The following DOCK3 variants were observed in gnomAD, a reference collection of about 807,000 sequenced individuals.
DOCK3 encodes the protein dedicator of cytokinesis 3, also known as dedicator of cytokinesis protein 3.
In DOCK3, 60 loss-of-function variants were observed where a neutral mutation model predicts 265.6. That is an observed-to-expected ratio of 0.23 (90% CI 0.18 to 0.28). DOCK3 has a LOEUF of 0.28. Among genes scored for constraint, DOCK3 ranks in the 10% least tolerant of loss-of-function variants. The pLI is 1.00. For synonymous variants in DOCK3, 881 were observed against 938.0 expected (o/e 0.94, Z 1.11); for missense variants, 1,981 against 2,594.3 (o/e 0.76, Z 5.14).
At chr3:51,074,696 A>T (rs2081992640) in intron 6 of DOCK3, among the ~76,000 whole-genome samples, 1 of 152,028 alleles carries the variant, frequency 6.6e-6, no homozygotes, top group Non-Finnish European at 1.5e-5. Flanking sequence ...GAGGGGAGGG[A>T]GAGAATTAGG....
At chr3:50,922,477 G>T (rs932040208) in intron 4 of DOCK3, among the ~76,000 whole-genome samples, 3 of 152,236 alleles carry the variant, frequency 2.0e-5, no homozygotes, top group Non-Finnish European at 4.4e-5. Flanking sequence ...GCCAGGAAAG[G>T]GAATTCCCCG....
chr3:50,762,120 C>T (rs1019305847), intron 1 of DOCK3, among the ~76,000 whole-genome samples: 5 of 151,316 alleles, frequency 3.3e-5, no homozygotes, highest in Non-Finnish European at 5.9e-5. Context: ...GTGGGGGCAG[C>T]GGGGAGGGAT....
At chr3:51,327,676 CTTTTTT>C (rs563361812) in intron 32 of DOCK3, among the ~76,000 whole-genome samples, 1 of 124,206 alleles carries the variant, frequency 8.1e-6, no homozygotes, top group East Asian at 2.3e-4. Flanking sequence ...CCATCACCAG[CTTTTTT>C]TTTTTTTTTT....
chr3:50,802,394 TATC>T (rs1204501149), intron 2 of DOCK3, among the ~76,000 whole-genome samples: 5 of 152,198 alleles, frequency 3.3e-5, no homozygotes, highest in Non-Finnish European at 7.4e-5. Flanking sequence ...CGATGGTGGT[TATC>T]ATCTTTTTTA....
chr3:51,218,743 T>A (rs571971117), intron 14 of DOCK3, among the ~76,000 whole-genome samples: 1 of 152,324 alleles, frequency 6.6e-6, no homozygotes, highest in East Asian at 1.9e-4. Context: ...CTATGATTTA[T>A]TATGTTGTTC....
chr3:51,098,399 A>G (rs1317905095), intron 9 of DOCK3, among the ~76,000 whole-genome samples: 2 of 152,160 alleles, frequency 1.3e-5, no homozygotes, highest in Non-Finnish European at 2.9e-5. Flanking sequence ...AGCATTCAGG[A>G]TACCTTGCAT....
intron 49 of DOCK3, among the ~76,000 whole-genome samples, chr3:51,368,331 C>T (rs536397496): frequency 6.6e-6 from 1 of 152,182 alleles, no homozygotes; most frequent in Non-Finnish European, 1.5e-5. Context: ...CAGATGGTAC[C>T]TGGAAAATCG....
At chr3:50,785,218 G>A (rs1480526381) in intron 2 of DOCK3, among the ~76,000 whole-genome samples, 1 of 152,162 alleles carries the variant, frequency 6.6e-6, no homozygotes, top group Non-Finnish European at 1.5e-5. Context: ...GGAGCTTTTT[G>A]GATGGGTCTT....
intron 5 of DOCK3, among the ~76,000 whole-genome samples, chr3:51,037,762 C>T (rs1394125317): frequency 6.6e-6 from 1 of 152,126 alleles, no homozygotes; most frequent in Non-Finnish European, 1.5e-5. Flanking sequence ...CCTTAGAAGA[C>T]AGTCTTTAGA....
intron 5 of DOCK3, among the ~76,000 whole-genome samples, chr3:51,033,450 T>C (rs1446998702): frequency 1.3e-5 from 2 of 152,226 alleles, no homozygotes; most frequent in Non-Finnish European, 2.9e-5. Flanking sequence ...TGATTGTGCT[T>C]TGTCTTCAGG....
intron 27 of DOCK3, among the ~76,000 whole-genome samples, chr3:51,297,925 A>G (rs1023721501): frequency 1.3e-5 from 2 of 152,046 alleles, no homozygotes; most frequent in African/African-American, 4.8e-5. Context: ...AGTCGATGCT[A>G]CAGTGAACTA....
chr3:51,071,154 G>A (rs1383437541), intron 6 of DOCK3, among the ~76,000 whole-genome samples: 1 of 152,174 alleles, frequency 6.6e-6, no homozygotes, highest in Non-Finnish European at 1.5e-5. Context: ...GCATTTAAAA[G>A]AAATAGAGAT....
At chr3:50,923,086 T>C (rs1258853645) in intron 4 of DOCK3, among the ~76,000 whole-genome samples, 1 of 152,260 alleles carries the variant, frequency 6.6e-6, no homozygotes, top group African/African-American at 2.4e-5. Flanking sequence ...TTGCTGTGAA[T>C]GCCATCAATT....
chr3:50,902,448 G>A (rs781722837), intron 4 of DOCK3, among the ~76,000 whole-genome samples: 6 of 151,976 alleles, frequency 3.9e-5, no homozygotes, highest in Non-Finnish European at 5.9e-5. Flanking sequence ...TCCTTTCCCC[G>A]TTGCTTGTTT....
intron 51 of DOCK3, among the ~76,000 whole-genome samples, chr3:51,377,646 T>C (rs954623602): frequency 1.3e-5 from 2 of 152,232 alleles, no homozygotes; most frequent in African/African-American, 4.8e-5. Context: ...TTATGCTACA[T>C]GGCAAAGGTC....
intron 38 of DOCK3, among the ~76,000 whole-genome samples, chr3:51,342,204 A>AT (rs1174976684): frequency 1.3e-5 from 2 of 152,258 alleles, no homozygotes; most frequent in Admixed American, 1.3e-4. Flanking sequence ...GCTTTTGTCT[A>AT]TAAATCAGAA....
At chr3:51,078,142 G>A (rs2082114700) in intron 7 of DOCK3, among the ~76,000 whole-genome samples, 1 of 152,164 alleles carries the variant, frequency 6.6e-6, no homozygotes, top group African/African-American at 2.4e-5. Context: ...GAAAGAGACA[G>A]CCCAGCAGAA....
At chr3:50,774,069 G>C (rs2041445312) in intron 1 of DOCK3, among the ~76,000 whole-genome samples, 1 of 151,986 alleles carries the variant, frequency 6.6e-6, no homozygotes, top group South Asian at 2.1e-4. Context: ...TAGCAGTTTG[G>C]ATGTCTTCAG....
intron 11 of DOCK3, among the ~76,000 whole-genome samples, chr3:51,159,703 A>C (rs1217831154): frequency 2.0e-5 from 3 of 152,152 alleles, no homozygotes; most frequent in Non-Finnish European, 2.9e-5. Flanking sequence ...TGTGTTTGAA[A>C]TTATGTATCT....
Sources: allele counts gnomAD v4.1 joint callset (sites outside exome capture counted in the v4.1 genomes callset), GRCh38; gene constraint gnomAD v4.1.1; transcripts MANE v1.5; gene names NCBI Gene and HGNC (gene_info 2026-07-23, HGNC 2026-07-21).